Variants in LSM12 observed in about 807,000 individuals in gnomAD.
LSM12 encodes the protein protein LSM12.
For missense variants in LSM12, 108 were observed against 238.9 expected (o/e 0.45, Z 3.61); for synonymous variants, 74 against 87.3 (o/e 0.85, Z 0.85).
At chr17:44,041,020 T>TACACACAC (rs368814549) in intron 2 of LSM12, among the ~76,000 whole-genome samples, 33 of 148,090 alleles carry the variant, frequency 2.2e-4, no homozygotes, top group African/African-American at 6.7e-4. Context: ...TACATACACA[T>TACACACAC]ACACACACAC....
At chr17:44,058,269 T>C (rs533195895) in intron 2 of LSM12, among the ~76,000 whole-genome samples, 1 of 151,368 alleles carries the variant, frequency 6.6e-6, no homozygotes, top group Non-Finnish European at 1.5e-5. Flanking sequence ...ATAATAATAA[T>C]AATAATTTGG....
chr17:44,040,340 G>T, intron 2 of LSM12, 84 bp from the exon 3 acceptor site: 1 of 998,746 alleles, frequency 1.0e-6, no homozygotes, highest in Non-Finnish European at 1.5e-6. Flanking sequence ...GAAGAAAGGA[G>T]GCCAGGAAAG....
chr17:44,041,875 T>C (rs777925233), intron 2 of LSM12, among the ~76,000 whole-genome samples: 9 of 152,144 alleles, frequency 5.9e-5, no homozygotes, highest in Non-Finnish European at 1.2e-4. Context: ...GTCCAACAAA[T>C]AATCTGGAGA....
At chr17:44,041,948 G>A (rs1382431072) in intron 2 of LSM12, among the ~76,000 whole-genome samples, 1 of 152,166 alleles carries the variant, frequency 6.6e-6, no homozygotes, top group East Asian at 1.9e-4. Context: ...GTGCAAACAC[G>A]CGCGAGAACA....
In LSM12 at chr17:44,040,179, C is replaced by G. The variant is rs142436733; in HGVS notation, c.336G>C (p.Glu112Asp). Residue 112 changes from glutamate to aspartate, a missense_variant, in exon 3 of 5, where the codon GAG (glutamate) becomes GAC (aspartate). Coordinates refer to ENST00000293406, the MANE Select transcript of LSM12 (RefSeq NM_001371445.1). Reference sequence around the variant, plus strand: ...GAATGGTCTGGAAGAGCTGCTGGCCCTCTAGAGAGACACCAGCACTGATTG... The same window carrying G: ...GAATGGTCTGGAAGAGCTGCTGGCCGTCTAGAGAGACACCAGCACTGATTG... ...AYAISAGVSLEGQQLFQTIHK... is the reference protein window; with the variant it reads ...AYAISAGVSLDGQQLFQTIHK... 4 of 1,613,850 alleles carry G rather than the reference C, an allele frequency of 2.5e-6. No individual in the cohort carries two copies. Among genetic ancestry groups the G allele is most frequent in the African/African-American group, 2.7e-5 (2 of 75,062 alleles).
chr17:44,064,348 C>T (rs2049840582), intron 1 of LSM12, among the ~76,000 whole-genome samples: 1 of 152,206 alleles, frequency 6.6e-6, no homozygotes, highest in African/African-American at 2.4e-5. Context: ...AGGAAATTCA[C>T]CCAAGGTGAC....
At chr17:44,039,443 G>A (rs547608172) in intron 3 of LSM12, among the ~76,000 whole-genome samples, 4 of 135,166 alleles carry the variant, frequency 3.0e-5, no homozygotes, top group South Asian at 2.6e-4. Context: ...CTGCAGTGGC[G>A]CAATCTCGGC....
At chr17:44,047,616 G>C (rs559751574) in intron 2 of LSM12, among the ~76,000 whole-genome samples, 3 of 151,970 alleles carry the variant, frequency 2.0e-5, no homozygotes, top group Admixed American at 2.0e-4. Context: ...AGGCTGGAGT[G>C]TACTGGCATA....
In LSM12 at chr17:44,066,608, C is replaced by A; in HGVS notation, c.-21G>T. On this transcript the variant is annotated 5_prime_UTR_variant, in exon 1 of 5. Coordinates refer to ENST00000293406, the MANE Select transcript of LSM12 (RefSeq NM_001371445.1). ...GCCATCTTGGGAGTGCAGCCGCGGC[C>A]GGCGGCGGCGGCGGCAGCAGCGGGC... 1 of 1,301,432 alleles carries A rather than the reference C, an allele frequency of 7.7e-7. No homozygotes were observed. Among genetic ancestry groups the A allele is most frequent in the Non-Finnish European group, 9.8e-7 (1 of 1,019,180 alleles). The allele number at this position is 1,301,432 out of a possible 1,614,324, so 80.6% of individuals were successfully genotyped here. A position where few individuals can be genotyped will look rare whatever the true frequency, so the allele number is the denominator to read the frequency against.
At position 44,037,609 on chromosome 17, in the gene LSM12, A is replaced by G. The variant is rs920101187; in HGVS notation, c.369-71T>C. On this transcript the variant is annotated intron_variant, in intron 3 of 4. Coordinates refer to ENST00000293406, the MANE Select transcript of LSM12 (RefSeq NM_001371445.1). ...CCCACATCTCCTGTCTGATGAATAA[A>G]TAACTCCAGAAGGCTGATCCCAAGT... is the stretch of plus-strand genomic sequence containing the variant. 14 of 1,497,384 alleles carry G rather than the reference A, an allele frequency of 9.3e-6. No homozygotes were observed. In the Admixed American group the frequency reaches 1.2e-4, roughly 12 times the overall value. The allele number at this position is 1,497,384 out of a possible 1,614,324, so 92.8% of individuals were successfully genotyped here.
At chr17:44,046,672 T>G (rs1012689724) in intron 2 of LSM12, among the ~76,000 whole-genome samples, 1 of 126,450 alleles carries the variant, frequency 7.9e-6, no homozygotes, top group African/African-American at 3.0e-5. Flanking sequence ...AATGCGCCAC[T>G]GCACTCCAGC....
intron 2 of LSM12, among the ~76,000 whole-genome samples, chr17:44,048,206 G>A (rs955306065): frequency 2.0e-5 from 3 of 152,100 alleles, no homozygotes; most frequent in Admixed American, 6.5e-5. Flanking sequence ...TCCAGGCCAA[G>A]AGCAGTGGCT....
At chr17:44,062,514 G>A (rs2049811504) in intron 2 of LSM12, among the ~76,000 whole-genome samples, 1 of 152,128 alleles carries the variant, frequency 6.6e-6, no homozygotes, top group Admixed American at 6.6e-5. Context: ...CAAGTACAGG[G>A]GACAGCACAG....
At chr17:44,045,383 C>T (rs907717367) in intron 2 of LSM12, among the ~76,000 whole-genome samples, 2 of 152,144 alleles carry the variant, frequency 1.3e-5, no homozygotes, top group Non-Finnish European at 2.9e-5. Flanking sequence ...TGGAATGATA[C>T]AATGTGTTGA....
chr17:44,060,522 G>A (rs571605583), intron 2 of LSM12, among the ~76,000 whole-genome samples: 2 of 152,072 alleles, frequency 1.3e-5, no homozygotes, highest in South Asian at 2.1e-4. Context: ...CTCTGCAAAC[G>A]GAAGAATGAA....
intron 1 of LSM12, 124 bp from the exon 2 acceptor site, chr17:44,064,058 C>T: frequency 9.6e-7 from 1 of 1,036,680 alleles, no homozygotes; most frequent in South Asian, 1.8e-5. Context: ...GCATGAGGGC[C>T]TTATAAGAAT....
At chr17:44,040,976 G>A (rs943412173) in intron 2 of LSM12, among the ~76,000 whole-genome samples, 5 of 151,330 alleles carry the variant, frequency 3.3e-5, no homozygotes, top group African/African-American at 2.4e-5. Context: ...GCAAGACTCC[G>A]TCTCAAAACA....
intron 2 of LSM12, among the ~76,000 whole-genome samples, chr17:44,062,318 A>C (rs1465484794): frequency 2.0e-5 from 3 of 152,030 alleles, no homozygotes; most frequent in African/African-American, 7.2e-5. Context: ...ACTCTCAAAA[A>C]TGTCCCAGGT....
chr17:44,059,554 A>C (rs1398696062), intron 2 of LSM12, among the ~76,000 whole-genome samples: 1 of 152,108 alleles, frequency 6.6e-6, no homozygotes, highest in Non-Finnish European at 1.5e-5. Context: ...CCTGTCTCAA[A>C]AAAAAGAATT....
Sources: allele counts gnomAD v4.1 joint callset (sites outside exome capture counted in the v4.1 genomes callset), GRCh38; gene constraint gnomAD v4.1.1; transcripts MANE v1.5; gene names NCBI Gene and HGNC (gene_info 2026-07-23, HGNC 2026-07-21).